The following PSD3 variants were observed in gnomAD, a reference collection of about 807,000 sequenced individuals.
The protein encoded by PSD3 is pleckstrin and Sec7 domain containing 3.
In PSD3, 49 loss-of-function variants were observed where a neutral mutation model predicts 105.5. That is an observed-to-expected ratio of 0.46 (90% CI 0.37 to 0.59). The LOEUF (loss-of-function observed/expected upper bound fraction) is 0.59. PSD3 is among the 20% of genes least tolerant of loss of function. PSD3 has a pLI of 0.00. For missense variants in PSD3, 1,561 were observed against 1,263.8 expected, an observed-to-expected ratio of 1.24 and a Z score of -3.57; for synonymous variants, 557 against 457.8, an observed-to-expected ratio of 1.22 and a Z score of -2.77.
intron 2 of PSD3, among the ~76,000 whole-genome samples, chr8:18,900,962 T>C (rs1819465164): frequency 6.6e-6 from 1 of 152,180 alleles, no homozygotes; most frequent in Middle Eastern, 3.2e-3. Context: ...GTACTACAGT[T>C]AATTGTATGC....
chr8:19,049,106 T>C (rs983542570), intron 1 of PSD3, among the ~76,000 whole-genome samples: 8 of 152,230 alleles, frequency 5.3e-5, no homozygotes, highest in African/African-American at 1.9e-4. Context: ...TTTTACCTAA[T>C]GACCTCATTT....
At chr8:18,968,863 AAAAAAAAAATGTCTCC>A (rs1407428956) in intron 1 of PSD3, among the ~76,000 whole-genome samples, 1 of 102,206 alleles carries the variant, frequency 9.8e-6, no homozygotes, top group African/African-American at 3.3e-5. Context: ...GTGACAGAGC[AAAAAAAAAATGTCTCC>A]AAAAAAAAAA....
chr8:18,979,623 C>A (rs1825145853), intron 1 of PSD3: 1 of 152,382 alleles, frequency 6.6e-6, no homozygotes, highest in Non-Finnish European at 1.5e-5. Flanking sequence ...TGAATATATT[C>A]TTCTTGTTAG....
rs144636817 is a variant in PSD3, at chr8:18,914,957, G to A, written c.130+21077C>T. Among the ~76,000 whole-genome samples the A allele has an allele frequency of 1.2e-4, 19 of 152,152 alleles. No individual in the cohort carries two copies. The East Asian group carries it at 2.7e-3, about 22-fold the overall frequency. On this transcript the variant is annotated intron_variant, in intron 2 of 15. Coordinates refer to ENST00000327040, the MANE Select transcript of PSD3 (RefSeq NM_015310.4). ...GTTACTTGACTGCAAAATGTACTAC[G>A]AAACTATGGTAACCAAAACAGCATG...
At chr8:18,541,901 C>T (rs566465934) in intron 15 of PSD3, among the ~76,000 whole-genome samples, 29 of 152,018 alleles carry the variant, frequency 1.9e-4, no homozygotes, top group South Asian at 4.2e-4. Flanking sequence ...CAGGTATGCG[C>T]GCCACCACGC....
intron 2 of PSD3, among the ~76,000 whole-genome samples, chr8:18,920,522 T>G (rs948645501): frequency 7.9e-5 from 12 of 152,194 alleles, no homozygotes; most frequent in Non-Finnish European, 1.6e-4. Context: ...GTAAACAACT[T>G]TTAGTAAATT....
intron 11 of PSD3, 99 bp from the exon 12 acceptor site, chr8:18,600,533 T>C (rs1804359584): frequency 4.0e-6 from 4 of 993,952 alleles, no homozygotes; most frequent in Non-Finnish European, 6.0e-6. Flanking sequence ...ATATTCTACC[T>C]AGCTACCGAA....
intron 1 of PSD3, among the ~76,000 whole-genome samples, chr8:18,971,834 G>A (rs1466842631): frequency 5.3e-5 from 8 of 151,914 alleles, no homozygotes; most frequent in East Asian, 1.9e-4. Flanking sequence ...GTGAAACCCC[G>A]CCTCTACTAA....
chr8:18,958,436 A>C (rs1823713659), intron 1 of PSD3, among the ~76,000 whole-genome samples: 1 of 152,186 alleles, frequency 6.6e-6, no homozygotes, highest in Non-Finnish European at 1.5e-5. Context: ...TTTTGGGGGA[A>C]TATCTATTTA....
chr8:18,874,865 G>C (rs1013618738), intron 2 of PSD3, among the ~76,000 whole-genome samples: 3 of 152,078 alleles, frequency 2.0e-5, no homozygotes, highest in African/African-American at 7.2e-5. Flanking sequence ...ATACCTCTGA[G>C]AGTACATGCT....
chr8:18,647,575 A>G (rs1286617188), intron 10 of PSD3, among the ~76,000 whole-genome samples: 3 of 150,694 alleles, frequency 2.0e-5, no homozygotes, highest in African/African-American at 7.3e-5. Flanking sequence ...ACAAGTGCAG[A>G]GGGAATCCAG....
At chr8:18,626,080 G>C (rs1408611754) in intron 11 of PSD3, among the ~76,000 whole-genome samples, 1 of 152,036 alleles carries the variant, frequency 6.6e-6, no homozygotes, top group African/African-American at 2.4e-5. Context: ...CTTAATGTCA[G>C]ATTTAATAGG....
intron 1 of PSD3, among the ~76,000 whole-genome samples, chr8:18,992,270 G>A (rs925360215): frequency 6.6e-6 from 1 of 151,462 alleles, no homozygotes; most frequent in Non-Finnish European, 1.5e-5. Flanking sequence ...ATAGCTTGCT[G>A]AAACTCCCAG....
chr8:18,636,153 G>A (rs958163188), intron 10 of PSD3, among the ~76,000 whole-genome samples: 2 of 152,150 alleles, frequency 1.3e-5, no homozygotes, highest in Non-Finnish European at 2.9e-5. Context: ...GAAAGACAGT[G>A]ATATTGATGA....
intron 14 of PSD3, among the ~76,000 whole-genome samples, chr8:18,560,545 G>T (rs1333243657): frequency 6.6e-6 from 1 of 151,986 alleles, no homozygotes; most frequent in Non-Finnish European, 1.5e-5. Context: ...GTTAGGAAGT[G>T]ATAATTTTTA....
At chr8:18,738,083 C>T (rs1017199878) in intron 9 of PSD3, among the ~76,000 whole-genome samples, 1 of 152,146 alleles carries the variant, frequency 6.6e-6, no homozygotes, top group East Asian at 1.9e-4. Flanking sequence ...ATCAGGAAAT[C>T]CGAATGGCTA....
intron 4 of PSD3, among the ~76,000 whole-genome samples, chr8:18,837,551 G>A (rs543657828): frequency 2.3e-3 from 356 of 152,220 alleles, no homozygotes; most frequent in African/African-American, 8.4e-3. Context: ...GGATTAAGTG[G>A]AGGTTTTAGG....
chr8:18,794,477 G>C (rs1195153769), intron 8 of PSD3, among the ~76,000 whole-genome samples: 1 of 1,482 alleles, frequency 6.7e-4, no homozygotes, highest in African/African-American at 2.3e-3. Context: ...GGAATGTCTC[G>C]GTATAAAACC....
At chr8:18,793,820 G>A (rs576839619) in intron 8 of PSD3, among the ~76,000 whole-genome samples, 2 of 152,296 alleles carry the variant, frequency 1.3e-5, no homozygotes, top group African/African-American at 4.8e-5. Flanking sequence ...CTTAACAGCT[G>A]CCAGTTACAA....
Sources: allele counts gnomAD v4.1 joint callset (sites outside exome capture counted in the v4.1 genomes callset), GRCh38; gene constraint gnomAD v4.1.1; transcripts MANE v1.5; gene names NCBI Gene and HGNC (gene_info 2026-07-23, HGNC 2026-07-21).